Variants in AGO2 observed in about 807,000 individuals in gnomAD.
AGO2 encodes the protein argonaute RISC catalytic component 2, also known as protein argonaute-2.
A neutral mutation model predicts 102.3 loss-of-function variants in AGO2; 5 were observed. That is an observed-to-expected ratio of 0.05 (90% CI 0.03 to 0.10). The LOEUF (loss-of-function observed/expected upper bound fraction) is 0.10, where lower values mean the gene tolerates loss of function less well. AGO2 is among the 10% of genes least tolerant of loss of function. AGO2 has a pLI of 1.00. For synonymous variants in AGO2, 449 were observed against 473.1 expected (o/e 0.95, Z 0.66); for missense variants, 541 against 1,183.7 (o/e 0.46, Z 7.97).
intron 17 of AGO2, among the ~76,000 whole-genome samples, chr8:140,533,155 C>T (rs950106355): frequency 3.8e-4 from 57 of 151,946 alleles, no homozygotes; most frequent in African/African-American, 9.4e-4. Flanking sequence ...TTTGGGAGGC[C>T]GAGGCGGGCA....
intron 14 of AGO2, among the ~76,000 whole-genome samples, chr8:140,544,007 T>G (rs1283327536): frequency 6.6e-6 from 1 of 152,164 alleles, no homozygotes; most frequent in African/African-American, 2.4e-5. Context: ...ATGCCCCACC[T>G]CTGACTGCTT....
Position 140,585,275 on chromosome 8 carries a change from C to T in AGO2, c.59G>A (p.Gly20Glu), listed in dbSNP as rs948906957. The change falls in exon 2 of 19, where the codon GGA becomes GAA. Residue 20 changes from glycine (G) to glutamate (E), a missense_variant. Gly to Glu is a moderately conservative substitution (Grantham distance 98, BLOSUM62 -2). Transcript: ENST00000220592. ...APPAPPPPIQ[G>E]YAFKPPPRPD... The stretch of plus-strand genomic sequence containing the variant: ...TCTAGGTGGAGGCTTGAAGGCATAT[C>T]CTTGGATGGGGGGCGGCGGCGCAGG... 3.1e-6 allele frequency: 5 copies of T among 1,613,986 alleles called. No homozygotes were observed. Among genetic ancestry groups the T allele is most frequent in the Non-Finnish European group, 4.2e-6 (5 of 1,179,960 alleles).
chr8:140,620,115 C>T (rs1005495116), intron 1 of AGO2, among the ~76,000 whole-genome samples: 2 of 152,136 alleles, frequency 1.3e-5, no homozygotes, highest in African/African-American at 2.4e-5. Context: ...TGAAAAGATG[C>T]GGGGCTACCT....
chr8:140,628,254 TG>T (rs1175357706), intron 1 of AGO2, among the ~76,000 whole-genome samples: 3 of 152,236 alleles, frequency 2.0e-5, no homozygotes, highest in African/African-American at 7.2e-5. Context: ...ACTGCCTTAC[TG>T]GGGCTGCCAG....
At position 140,557,454 on chromosome 8, in the gene AGO2, T is replaced by C. The variant is rs1480713710; in HGVS notation, c.879-218A>G. 6.6e-6 allele frequency among the ~76,000 whole-genome samples: 1 copy of C among 152,200 alleles called. No individual in the cohort carries two copies. The highest frequency in any genetic ancestry group is 1.5e-5 in the Non-Finnish European group (1 of 68,034). ...CTGGAGTTGGGAAACAAAAAATACC[T>C]ACATGCATCATTACTCATAAATTAT... is the stretch of plus-strand genomic sequence containing the variant. On this transcript the variant is annotated intron_variant, in intron 7 of 18. Coordinates refer to ENST00000220592, the MANE Select transcript of AGO2 (RefSeq NM_012154.5). This position sits in a 1 kb window ranked among gnomAD's most constrained non-coding sequence, Gnocchi z 5.9.
At chr8:140,594,153 C>T (rs977670402) in intron 1 of AGO2, among the ~76,000 whole-genome samples, 1 of 152,176 alleles carries the variant, frequency 6.6e-6, no homozygotes, top group Non-Finnish European at 1.5e-5. Context: ...AAAACCATCA[C>T]CATCTCCCTG....
At chr8:140,562,165 GA>G (rs1468326738) in intron 4 of AGO2, among the ~76,000 whole-genome samples, 1 of 152,270 alleles carries the variant, frequency 6.6e-6, no homozygotes, top group Non-Finnish European at 1.5e-5. Context: ...GAGATGAGCA[GA>G]AAAGTGCTGG....
At chr8:140,591,462 C>G (rs2073745892) in intron 1 of AGO2, among the ~76,000 whole-genome samples, 1 of 152,220 alleles carries the variant, frequency 6.6e-6, no homozygotes, top group East Asian at 1.9e-4. Context: ...CACTTGCTCC[C>G]CTCTTTTGGT....
chr8:140,571,822 C>T (rs1206188040), intron 3 of AGO2, among the ~76,000 whole-genome samples: 1 of 152,174 alleles, frequency 6.6e-6, no homozygotes, highest in Non-Finnish European at 1.5e-5. Context: ...ATCAGCTCAC[C>T]ATAACCTTCG....
At chr8:140,553,313 G>C (rs1007520382) in intron 10 of AGO2, among the ~76,000 whole-genome samples, 4 of 152,142 alleles carry the variant, frequency 2.6e-5, no homozygotes, top group African/African-American at 9.7e-5. Flanking sequence ...GAGCCCGGAA[G>C]GTCAGGGCTG....
intron 14 of AGO2, 107 bp from the exon 15 acceptor site, chr8:140,541,465 G>C: frequency 1.9e-6 from 2 of 1,066,274 alleles, no homozygotes; most frequent in Non-Finnish European, 2.6e-6. Context: ...CCCCACCCTG[G>C]AACTCATGTC....
At chr8:140,541,610 C>T (rs1363655249) in intron 14 of AGO2, among the ~76,000 whole-genome samples, 1 of 152,094 alleles carries the variant, frequency 6.6e-6, no homozygotes, top group African/African-American at 2.4e-5. Context: ...CAAAACAAAA[C>T]AAAACAAAAC....
At chr8:140,548,652 T>C (rs1195989933) in intron 12 of AGO2, among the ~76,000 whole-genome samples, 9 of 152,244 alleles carry the variant, frequency 5.9e-5, no homozygotes, top group South Asian at 2.1e-4. Context: ...GTCAATAATC[T>C]GTCTGTGGCT....
chr8:140,603,482 C>T (rs2073957772), intron 1 of AGO2, among the ~76,000 whole-genome samples: 1 of 152,234 alleles, frequency 6.6e-6, no homozygotes, highest in Admixed American at 6.5e-5. Context: ...TTCCTGGGCA[C>T]CTTCGTCACC....
chr8:140,606,844 G>T (rs542185716), intron 1 of AGO2, among the ~76,000 whole-genome samples: 3 of 152,140 alleles, frequency 2.0e-5, no homozygotes, highest in African/African-American at 7.2e-5. Flanking sequence ...GGCTGAGACA[G>T]GAGAATTGCT....
In AGO2 at chr8:140,556,289, G is replaced by T; in HGVS notation, c.1027-3C>A. 1 of 1,614,104 alleles carries T rather than the reference G, an allele frequency of 6.2e-7. No homozygotes were observed. The highest frequency in any genetic ancestry group is 8.5e-7 in the Non-Finnish European group (1 of 1,180,004). ...TGTCCTGCCACAATGTTACAGACCT[G>T]TGAAGAGGACGTAGAGACAGGCCGT... On this transcript the variant is annotated splice_region_variant and splice_polypyrimidine_tract_variant and intron_variant, in intron 8 of 18. Transcript: ENST00000220592.
chr8:140,534,402 C>T (rs148227362), intron 17 of AGO2, among the ~76,000 whole-genome samples: 1,665 of 152,320 alleles, frequency 0.011, 12 homozygotes, highest in Admixed American at 0.017. Flanking sequence ...GCAGGCAGGG[C>T]ATGGCCCCAG....
chr8:140,577,695 G>A (rs922543912), intron 2 of AGO2, among the ~76,000 whole-genome samples: 4 of 152,176 alleles, frequency 2.6e-5, no homozygotes, highest in African/African-American at 9.7e-5. Flanking sequence ...AGGGATGGGG[G>A]TGGCAGGAGA....
chr8:140,547,341 G>T, intron 13 of AGO2, 127 bp downstream of exon 13: 1 of 1,220,534 alleles, frequency 8.2e-7, no homozygotes, highest in Admixed American at 2.5e-5. Flanking sequence ...GCTCTGCTGT[G>T]GCCAGGACGG....
Sources: gnomAD v4.1 joint callset for allele counts (sites outside exome capture counted in the v4.1 genomes callset) on GRCh38, gnomAD v4.1.1 for gene constraint, Gnocchi (gnomAD v3.1) non-coding constraint, MANE v1.5 for transcripts, NCBI Gene and HGNC (gene_info 2026-07-23, HGNC 2026-07-21) for gene names.